The following GNG10 variants were observed in gnomAD, a reference collection of about 807,000 sequenced individuals.
GNG10 encodes the protein G protein subunit gamma 10.
Under a neutral mutation model 6.8 loss-of-function variants are expected in GNG10, and 7 were observed. That is an observed-to-expected ratio of 1.02 (90% confidence interval 0.58 to 1.92). The LOEUF (loss-of-function observed/expected upper bound fraction) is 1.92. GNG10 is among the 30% of genes most tolerant of loss of function. The probability of loss-of-function intolerance (pLI) is 0.00; values close to 1 mark genes in which losing one functional copy is unlikely to be tolerated. For synonymous variants in GNG10, 28 were observed against 34.8 expected (o/e 0.80, Z 0.69); for missense variants, 57 against 86.1 (o/e 0.66, Z 1.34).
Position 111,666,930 on chromosome 9 carries a change from C to T in GNG10, c.197C>T (p.Ala66Val). 1 of 1,614,092 alleles carries T rather than the reference C, an allele frequency of 6.2e-7. No individual in the cohort carries two copies. Among genetic ancestry groups the T allele is most frequent in the Non-Finnish European group, 8.5e-7 (1 of 1,179,994 alleles). Residue 66 changes from alanine to valine, a missense_variant, in exon 2 of 3, where the codon GCT (alanine) becomes GTT (valine). By Grantham distance (64) the Ala-to-Val change is moderately conservative. Coordinates refer to ENST00000374293, the MANE Select transcript of GNG10 (RefSeq NM_001017998.4). ...CCCTTCCGGGAGCCTAGATCCTGTG[C>T]TTTACTCTGAAGACTCGTGAGTAAT... Reference protein sequence around the residue: ...SNPFREPRSCALL With the variant: ...SNPFREPRSCVLL
intron 1 of GNG10, among the ~76,000 whole-genome samples, chr9:111,663,219 G>A (rs865974932): frequency 8.5e-5 from 13 of 152,188 alleles, no homozygotes; most frequent in South Asian, 6.2e-4. Context: ...ACGCAGATGC[G>A]CTGTGACTGA....
At chr9:111,663,952 C>G (rs1830862246) in intron 1 of GNG10, among the ~76,000 whole-genome samples, 1 of 151,222 alleles carries the variant, frequency 6.6e-6, no homozygotes, top group South Asian at 2.1e-4. Context: ...TCCCGAGTAG[C>G]TGGGATTACG....
At chr9:111,666,026 C>T (rs1322058432) in intron 1 of GNG10, among the ~76,000 whole-genome samples, 2 of 151,550 alleles carry the variant, frequency 1.3e-5, no homozygotes, top group Admixed American at 6.6e-5. Context: ...TGAGCCACTG[C>T]GCCCAGCCAC....
intron 1 of GNG10, among the ~76,000 whole-genome samples, chr9:111,664,827 G>C (rs2131280360): frequency 6.6e-6 from 1 of 152,204 alleles, no homozygotes; most frequent in Non-Finnish European, 1.5e-5. Flanking sequence ...ACCATGTGTG[G>C]AGTTTACCTG....
At chr9:111,668,257 T>C (rs941376574) in intron 2 of GNG10, among the ~76,000 whole-genome samples, 2 of 152,176 alleles carry the variant, frequency 1.3e-5, no homozygotes, top group Non-Finnish European at 2.9e-5. Context: ...CAGTGAGTAA[T>C]TATCTTAGGT....
Position 111,661,754 on chromosome 9 carries a change from C to A in GNG10, c.81+39C>A. ...GTACCCACGCTCCGGTCCTTCCGCC[C>A]GCGGGGCGTGAGAAGAGGAGGCCGG... On this transcript the variant is annotated intron_variant, in intron 1 of 2. Coordinates refer to ENST00000374293, the MANE Select transcript of GNG10 (RefSeq NM_001017998.4). The surrounding 1 kb of genome is among the most constrained non-coding windows in gnomAD (Gnocchi z 6.1). 1 of 1,219,578 alleles carries A rather than the reference C, an allele frequency of 8.2e-7. No homozygotes were observed. Among genetic ancestry groups the A allele is most frequent in the Non-Finnish European group, 1.1e-6 (1 of 944,516 alleles). 75.5% of individuals were successfully genotyped at this position (1,219,578 alleles called of 1,614,324 possible).
In GNG10 at chr9:111,669,845, CT is replaced by C. The variant is rs1451574793; in HGVS notation, c.*584del. On this transcript the variant is annotated 3_prime_UTR_variant, in exon 3 of 3. Transcript: ENST00000374293. ...TGGGAAGATTGCTTTATTTTTAACA[CT>C]AATTATGGGAGCAGATTCTTAGCAA... The C allele has an allele frequency of 7.8e-6, 1 of 128,412 alleles. No homozygotes were observed. Among genetic ancestry groups the C allele is most frequent in the African/African-American group, 3.1e-5 (1 of 32,146 alleles). 8.0% of individuals were successfully genotyped at this position (128,412 alleles called of 1,614,324 possible).
Position 111,661,766 on chromosome 9 carries a change from G to A in GNG10, c.81+51G>A. The stretch of plus-strand genomic sequence containing the variant: ...CGGTCCTTCCGCCCGCGGGGCGTGA[G>A]AAGAGGAGGCCGGCGGCCCGGACCG... On this transcript the variant is annotated intron_variant, in intron 1 of 2. Coordinates refer to ENST00000374293, the MANE Select transcript of GNG10 (RefSeq NM_001017998.4). This position sits in a 1 kb window ranked among gnomAD's most constrained non-coding sequence, Gnocchi z 6.1. 8.8e-7 allele frequency: 1 copy of A among 1,138,658 alleles called. No homozygotes were observed. The highest frequency in any genetic ancestry group is 1.1e-6 in the Non-Finnish European group (1 of 881,342). The allele number at this position is 1,138,658 out of a possible 1,614,324, so 70.5% of individuals were successfully genotyped here. A position where few individuals can be genotyped will look rare whatever the true frequency, so the allele number is the denominator to read the frequency against.
Position 111,666,836 on chromosome 9 carries a change from C to G in GNG10, c.103C>G (p.Leu35Val). 6.2e-7 allele frequency: 1 copy of G among 1,613,186 alleles called. No individual in the cohort carries two copies. Among genetic ancestry groups the G allele is most frequent in the Non-Finnish European group, 8.5e-7 (1 of 1,179,804 alleles). Reference protein sequence around the residue: ...RIKVSQAAAELQQYCMQNACK... With the variant: ...RIKVSQAAAEVQQYCMQNACK... ...TCAGGTCTCTCAGGCAGCTGCAGAG[C>G]TTCAACAGTACTGTATGCAGAATGC... is the stretch of plus-strand genomic sequence containing the variant. Residue 35 changes from leucine to valine, a missense_variant, in exon 2 of 3, where the codon CTT becomes GTT. Leu to Val is a conservative substitution (Grantham distance 32). Coordinates refer to ENST00000374293, the MANE Select transcript of GNG10 (RefSeq NM_001017998.4).
rs1217466195 is a variant in GNG10 at position 111,666,906 on chromosome 9, C to T, written c.173C>T (p.Pro58Leu). Residue 58 changes from proline to leucine, a missense_variant, in exon 2 of 3, where the codon CCC becomes CTC. Transcript: ENST00000374293. ...GTGGGTGTTCCAGCTGGAAGTAACC[C>T]CTTCCGGGAGCCTAGATCCTGTGCT... ...LLVGVPAGSNPFREPRSCALL is the reference protein window; with the variant it reads ...LLVGVPAGSNLFREPRSCALL 6.2e-7 allele frequency: 1 copy of T among 1,614,026 alleles called. No individual in the cohort carries two copies. The highest frequency in any genetic ancestry group is 1.1e-5 in the South Asian group (1 of 91,076).
At chr9:111,667,500 G>A (rs1472027342) in intron 2 of GNG10, among the ~76,000 whole-genome samples, 1 of 152,112 alleles carries the variant, frequency 6.6e-6, no homozygotes, top group Admixed American at 6.5e-5. Context: ...AAAGTGCTGG[G>A]ATTACAGGTG....
chr9:111,667,798 T>C (rs1403194633), intron 2 of GNG10, among the ~76,000 whole-genome samples: 1 of 152,230 alleles, frequency 6.6e-6, no homozygotes, highest in Non-Finnish European at 1.5e-5. Context: ...AACACCTCTC[T>C]GGTGGCATAT....
At chr9:111,663,379 G>C (rs938142800) in intron 1 of GNG10, among the ~76,000 whole-genome samples, 2 of 152,192 alleles carry the variant, frequency 1.3e-5, no homozygotes, top group African/African-American at 2.4e-5. Context: ...ATGCCAGAAA[G>C]GTGGAGGTGG....
At chr9:111,667,076 C>G in intron 2 of GNG10, 130 bp downstream of exon 2, 1 of 1,417,496 alleles carries the variant, frequency 7.1e-7, no homozygotes, top group South Asian at 1.4e-5. Context: ...GCAAAATGCA[C>G]AACTTTCCCT....
intron 1 of GNG10, among the ~76,000 whole-genome samples, chr9:111,664,437 A>G (rs1165935448): frequency 6.6e-6 from 1 of 152,022 alleles, no homozygotes; most frequent in East Asian, 1.9e-4. Flanking sequence ...ATAAACCAGG[A>G]CACCAATTTT....
rs1325924704 is a variant in GNG10, at chr9:111,669,875, TC to T, written c.*614del. ...TATGGGAGCAGATTCTTAGCAAACT[TC>T]TTTGGAAAAGTTAATGTTATGATGT... On this transcript the variant is annotated 3_prime_UTR_variant, in exon 3 of 3. Coordinates refer to ENST00000374293, the MANE Select transcript of GNG10 (RefSeq NM_001017998.4). 2 of 135,610 alleles carry T rather than the reference TC, an allele frequency of 1.5e-5. No individual in the cohort carries two copies. The highest frequency in any genetic ancestry group is 3.1e-5 in the Non-Finnish European group (2 of 64,820). The allele number at this position is 135,610 out of a possible 1,614,324, so 8.4% of individuals were successfully genotyped here.
At position 111,666,959 on chromosome 9, in the gene GNG10, A is replaced by T; in HGVS notation, c.*6+13A>T. 6.2e-7 allele frequency: 1 copy of T among 1,613,922 alleles called. No individual in the cohort carries two copies. The highest frequency in any genetic ancestry group is 1.3e-5 in the African/African-American group (1 of 75,038). On this transcript the variant is annotated intron_variant, in intron 2 of 2. Coordinates refer to ENST00000374293, the MANE Select transcript of GNG10 (RefSeq NM_001017998.4). ...ACTCTGAAGACTCGTGAGTAATGAT[A>T]CACCATGATGTCTTGGGCCCATAGC...
intron 1 of GNG10, among the ~76,000 whole-genome samples, chr9:111,666,069 ACT>A (rs1202615894): frequency 1.3e-5 from 2 of 151,370 alleles, no homozygotes; most frequent in African/African-American, 2.4e-5. Flanking sequence ...GCGTCAATAG[ACT>A]CTACCTCTTC....
At chr9:111,668,860 A>AT (rs953978616) in intron 2 of GNG10, among the ~76,000 whole-genome samples, 23 of 145,896 alleles carry the variant, frequency 1.6e-4, no homozygotes, top group East Asian at 4.1e-4. Flanking sequence ...TGTTACTTTC[A>AT]TTTTTTTTTT....
Sources: gnomAD v4.1 joint callset for allele counts (sites outside exome capture counted in the v4.1 genomes callset) on GRCh38, gnomAD v4.1.1 for gene constraint, Gnocchi (gnomAD v3.1) non-coding constraint, MANE v1.5 for transcripts, NCBI Gene and HGNC (gene_info 2026-07-23, HGNC 2026-07-21) for gene names.